PKHD1L1: variants seen among roughly 807,000 people sequenced by gnomAD.
PKHD1L1 encodes the protein PKHD1 like 1, also known as fibrocystin-L.
In PKHD1L1, 434 loss-of-function variants were observed where a neutral mutation model predicts 462.9. The observed-to-expected ratio is 0.94, with a 90% confidence interval of 0.87 to 1.02. The LOEUF (loss-of-function observed/expected upper bound fraction) is 1.02. Ranked by LOEUF, PKHD1L1 falls within the 50% of genes least tolerant of loss-of-function variation. The probability of loss-of-function intolerance (pLI) is 0.00; values close to 1 mark genes in which losing one functional copy is unlikely to be tolerated. For synonymous variants in PKHD1L1, 1,781 were observed against 1,750.0 expected, an observed-to-expected ratio of 1.02 and a Z score of -0.44; for missense variants, 5,202 against 5,096.1, an observed-to-expected ratio of 1.02 and a Z score of -0.63.
At chr8:109,373,528 A>C (rs1042939455) in intron 2 of PKHD1L1, among the ~76,000 whole-genome samples, 3 of 151,838 alleles carry the variant, frequency 2.0e-5, no homozygotes, top group African/African-American at 7.3e-5. Context: ...GATCTTAGTT[A>C]TTTCTTGCCT....
chr8:109,394,305 T>C (rs1812857665), intron 9 of PKHD1L1, 110 bp from the exon 10 acceptor site: 1 of 597,770 alleles, frequency 1.7e-6, no homozygotes, highest in Admixed American at 3.2e-5. Context: ...CTCCCAAAAG[T>C]TCCATCGTGC....
intron 50 of PKHD1L1, among the ~76,000 whole-genome samples, chr8:109,472,583 G>A (rs1783149): frequency 0.5 from 76,385 of 151,874 alleles, 19,489 homozygotes; most frequent in South Asian, 0.68. Flanking sequence ...TTCTGACGCC[G>A]CAAGGCTCAA....
chr8:109,384,266 C>T lies in PKHD1L1; in HGVS notation c.475+139C>T, dbSNP rs986568910. 9.8e-6 allele frequency: 7 copies of T among 711,730 alleles called. No homozygotes were observed. The South Asian group carries it at 1.4e-4, about 14-fold the overall frequency. The allele number at this position is 711,730 out of a possible 1,614,324, so 44.1% of individuals were successfully genotyped here. A position where few individuals can be genotyped will look rare whatever the true frequency, so the allele number is the denominator to read the frequency against. ...TATAAAAATAACTATCAGCCAGGCG[C>T]GGTGGCTCATGCCTGCAATCTCAGC... On this transcript the variant is annotated intron_variant, in intron 5 of 77. Coordinates refer to ENST00000378402, the MANE Select transcript of PKHD1L1 (RefSeq NM_177531.6).
intron 9 of PKHD1L1, among the ~76,000 whole-genome samples, chr8:109,393,839 G>A (rs1812821445): frequency 6.6e-6 from 1 of 152,080 alleles, no homozygotes; most frequent in Non-Finnish European, 1.5e-5. Context: ...CTTTATAAAG[G>A]GTAATCCTTT....
Position 109,441,291 on chromosome 8 carries a change from T to C in PKHD1L1, c.4116T>C (p.Asn1372=), listed in dbSNP as rs762007867. The change falls in exon 34 of 78, where the codon AAT becomes AAC. Residue 1372 remains asparagine (N), a synonymous_variant. Coordinates refer to ENST00000378402, the MANE Select transcript of PKHD1L1 (RefSeq NM_177531.6). ...TCTTTCTAGGGTCCATCCCTTGCAA[T>C]GTTACATCATCATCAGAAAATGTCA... ...NTVLLGSIPC[N]VTSSSENVIK... The C allele has an allele frequency of 8.2e-6, 13 of 1,576,662 alleles. No individual in the cohort carries two copies. The highest frequency in any genetic ancestry group is 1.7e-4 in the Middle Eastern group (1 of 5,934).
At chr8:109,424,960 C>A (rs1258538315) in intron 23 of PKHD1L1, 125 bp from the exon 24 acceptor site, 4 of 789,726 alleles carry the variant, frequency 5.1e-6, no homozygotes, top group African/African-American at 1.8e-5. Flanking sequence ...CCTTAATGTT[C>A]TGAAGAATCC....
At chr8:109,436,532 G>A in intron 30 of PKHD1L1, 73 bp downstream of exon 30, 2 of 1,570,252 alleles carry the variant, frequency 1.3e-6, no homozygotes, top group Non-Finnish European at 8.6e-7. Flanking sequence ...ATCTCAGTGG[G>A]GCGGGGGGTG....
At position 109,508,274 on chromosome 8, in the gene PKHD1L1, C is replaced by G; in HGVS notation, c.11395+10C>G. The G allele has an allele frequency of 6.3e-7, 1 of 1,589,480 alleles. No individual in the cohort carries two copies. Among genetic ancestry groups the G allele is most frequent in the South Asian group, 1.2e-5 (1 of 86,800 alleles). ...GTTGATCTTATTAATGGTAGGTATT[C>G]AATATGAGTAAACTACAATTACTCA... is the stretch of plus-strand genomic sequence containing the variant. On this transcript the variant is annotated intron_variant, in intron 70 of 77. Transcript: ENST00000378402.
At chr8:109,376,078 G>T (rs1811807028) in intron 2 of PKHD1L1, among the ~76,000 whole-genome samples, 1 of 152,232 alleles carries the variant, frequency 6.6e-6, no homozygotes, top group Non-Finnish European at 1.5e-5. Context: ...CCTTTTGTTT[G>T]TCTGTGCCCT....
intron 23 of PKHD1L1, among the ~76,000 whole-genome samples, chr8:109,420,891 G>C (rs1035047131): frequency 6.6e-6 from 1 of 151,906 alleles, no homozygotes; most frequent in Non-Finnish European, 1.5e-5. Flanking sequence ...GGAAAACAGG[G>C]AGAAATATCC....
intron 32 of PKHD1L1, among the ~76,000 whole-genome samples, chr8:109,439,897 A>G (rs902924188): frequency 1.3e-5 from 2 of 152,166 alleles, no homozygotes; most frequent in Non-Finnish European, 2.9e-5. Context: ...GATGAGCAAC[A>G]TTAAACATAA....
rs749488962 is a variant in PKHD1L1, at chr8:109,404,649, C to A, written c.1469C>A (p.Thr490Lys). The part of the protein sequence containing the change: ...QYRNVYTEQQ[T>K]GDAVNEEQVI... ...CGAAATGTTTATACTGAACAACAAA[C>A]AGGAGATGCAGTGAATGAAGAACAA... The change falls in exon 15 of 78, where the codon ACA becomes AAA. Residue 490 changes from threonine (T) to lysine (K), a missense_variant. This residue lies in a region of PKHD1L1 where 4,497 missense variants were observed against 4,336.8 expected (regional missense o/e 1.04). Coordinates refer to ENST00000378402, the MANE Select transcript of PKHD1L1 (RefSeq NM_177531.6). 7 of 1,607,952 alleles carry A rather than the reference C, an allele frequency of 4.4e-6. No homozygotes were observed. Among genetic ancestry groups the A allele is most frequent in the Non-Finnish European group, 5.9e-6 (7 of 1,176,870 alleles).
intron 28 of PKHD1L1, among the ~76,000 whole-genome samples, chr8:109,434,078 A>G (rs1815259197): frequency 6.6e-6 from 1 of 152,082 alleles, no homozygotes; most frequent in African/African-American, 2.4e-5. Context: ...CGAGGGGAAC[A>G]TCACACACCA....
chr8:109,454,650 C>A (rs1303627830), intron 44 of PKHD1L1, 73 bp from the exon 45 acceptor site: 43 of 1,552,232 alleles, frequency 2.8e-5, no homozygotes, highest in Non-Finnish European at 3.4e-5. Flanking sequence ...TAGAAAAGAA[C>A]TACTTTTGTG....
At chr8:109,480,314 T>A (rs924621923) in intron 55 of PKHD1L1, among the ~76,000 whole-genome samples, 175 bp downstream of exon 55, 3 of 152,064 alleles carry the variant, frequency 2.0e-5, no homozygotes, top group Non-Finnish European at 4.4e-5. Context: ...TCCTTTAAAT[T>A]ATGGACTAAA....
At chr8:109,476,423 A>G in intron 51 of PKHD1L1, 85 bp from the exon 52 acceptor site, 1 of 895,420 alleles carries the variant, frequency 1.1e-6, no homozygotes, top group Non-Finnish European at 1.6e-6. Context: ...AACATAATAT[A>G]GGGGCTAATT....
At chr8:109,367,060 G>T (rs188529730) in intron 2 of PKHD1L1, among the ~76,000 whole-genome samples, 31 of 152,212 alleles carry the variant, frequency 2.0e-4, no homozygotes, top group Admixed American at 6.5e-5. Context: ...AATACATATA[G>T]CTTTTATATG....
intron 29 of PKHD1L1, 33 bp downstream of exon 29, chr8:109,435,387 T>G (rs1231311456): frequency 1.3e-6 from 2 of 1,590,106 alleles, no homozygotes; most frequent in Non-Finnish European, 1.7e-6. Flanking sequence ...GAGAGAAAAT[T>G]GCATGCATTT....
chr8:109,401,597 T>A lies in PKHD1L1; in HGVS notation c.1373+9T>A. ...CTGCAGAAAGGAAAAGAGTAAGGCTTTTTCCTGTCATTAAATTACTGTGTG... is the reference window on the plus strand; with the variant it reads ...CTGCAGAAAGGAAAAGAGTAAGGCTATTTCCTGTCATTAAATTACTGTGTG... On this transcript the variant is annotated intron_variant, in intron 14 of 77. Transcript: ENST00000378402. 7.0e-7 allele frequency: 1 copy of A among 1,419,148 alleles called. No homozygotes were observed. The highest frequency in any genetic ancestry group is 9.9e-7 in the Non-Finnish European group (1 of 1,013,158). 87.9% of individuals were successfully genotyped at this position (1,419,148 alleles called of 1,614,324 possible). A position where few individuals can be genotyped will look rare whatever the true frequency, so the allele number is the denominator to read the frequency against.
Sources: allele counts gnomAD v4.1 joint callset (sites outside exome capture counted in the v4.1 genomes callset), GRCh38; gene constraint gnomAD v4.1.1; regional missense constraint gnomAD v4.1.1; transcripts MANE v1.5; gene names NCBI Gene and HGNC (gene_info 2026-07-23, HGNC 2026-07-21).